Variants in HAUS1 observed in about 807,000 individuals in gnomAD.
The protein encoded by HAUS1 is HAUS augmin-like complex subunit 1.
In HAUS1, 25 loss-of-function variants were observed where a neutral mutation model predicts 38.6. That is an observed-to-expected ratio of 0.65 (90% CI 0.47 to 0.91). The LOEUF is 0.91. Ranked by LOEUF, HAUS1 falls within the 40% of genes least tolerant of loss-of-function variation. The probability of loss-of-function intolerance (pLI) is 0.00; values close to 1 mark genes in which losing one functional copy is unlikely to be tolerated. For synonymous variants in HAUS1, 109 were observed against 112.9 expected, an observed-to-expected ratio of 0.97 and a Z score of 0.22; for missense variants, 325 against 328.4, an observed-to-expected ratio of 0.99 and a Z score of 0.08.
chr18:46,122,086 C>G (rs1911957793), intron 4 of HAUS1, among the ~76,000 whole-genome samples: 1 of 152,164 alleles, frequency 6.6e-6, no homozygotes, highest in Admixed American at 6.6e-5. Context: ...AGGTGATCTG[C>G]CCACCTTGGC....
chr18:46,112,292 G>A (rs1911658945), intron 2 of HAUS1, among the ~76,000 whole-genome samples: 1 of 121,746 alleles, frequency 8.2e-6, no homozygotes. Flanking sequence ...TATATAATGT[G>A]TATATATATT....
intron 2 of HAUS1, among the ~76,000 whole-genome samples, chr18:46,110,235 A>C (rs1368188752): frequency 3.6e-5 from 5 of 139,938 alleles, no homozygotes; most frequent in African/African-American, 1.4e-4. Flanking sequence ...AGCTCACTGC[A>C]GCCTCGAACT....
At chr18:46,106,242 G>A (rs944637638) in intron 2 of HAUS1, among the ~76,000 whole-genome samples, 28 of 152,114 alleles carry the variant, frequency 1.8e-4, no homozygotes, top group Admixed American at 3.9e-4. Flanking sequence ...AGGCCGAGGC[G>A]GGCGGATCAC....
chr18:46,123,441 T>C (rs1487061502), intron 6 of HAUS1, 77 bp downstream of exon 6: 1 of 1,026,490 alleles, frequency 9.7e-7, no homozygotes, highest in East Asian at 2.4e-5. Flanking sequence ...TTTCTTTTTA[T>C]TCGGCTTTTA....
intron 1 of HAUS1, 33 bp from the exon 2 acceptor site, chr18:46,105,161 G>A: frequency 6.6e-7 from 1 of 1,506,262 alleles, no homozygotes; most frequent in Non-Finnish European, 9.2e-7. Flanking sequence ...AGTAAACAAG[G>A]CTTATAATAT....
chr18:46,125,840 T>C (rs769915194), intron 8 of HAUS1, 49 bp downstream of exon 8: 5 of 1,167,534 alleles, frequency 4.3e-6, no homozygotes, highest in Non-Finnish European at 6.3e-6. Context: ...AGAAAATAAA[T>C]GCTAATATAG....
At chr18:46,110,155 T>C (rs1291024089) in intron 2 of HAUS1, among the ~76,000 whole-genome samples, 6 of 141,204 alleles carry the variant, frequency 4.2e-5, no homozygotes, top group Non-Finnish European at 7.7e-5. Flanking sequence ...TTTTGTCCTT[T>C]TTTTTTTTTT....
intron 4 of HAUS1, chr18:46,121,492 T>C (rs1911942396): frequency 6.6e-6 from 1 of 152,004 alleles, no homozygotes; most frequent in African/African-American, 2.4e-5. Context: ...ATTATTATTA[T>C]TATTATTATT....
At chr18:46,110,079 T>C (rs1369864433) in intron 2 of HAUS1, among the ~76,000 whole-genome samples, 2 of 152,056 alleles carry the variant, frequency 1.3e-5, no homozygotes, top group African/African-American at 4.8e-5. Context: ...AAAACTTCCC[T>C]TAGTTCTTGT....
rs201865019 is a variant in HAUS1, at chr18:46,125,749, G to A, written c.744G>A (p.Pro248=). The change falls in exon 8 of 9, where the codon CCG becomes CCA. Residue 248 remains proline (P), a synonymous_variant. Transcript: ENST00000282058. ...TGTTTTATTTTTTTTTAAAGAATCC[G>A]TCTCTTGCTCAAGTGAAAATTGAAG... ...LESYLDLMPN[P]SLAQVKIEEA... is the part of the protein sequence containing the mutation. The A allele has an allele frequency of 5.2e-5, 83 of 1,595,336 alleles. No individual in the cohort carries two copies. Among genetic ancestry groups the A allele is most frequent in the Middle Eastern group, 1.7e-4 (1 of 5,794 alleles).
At chr18:46,119,818 G>A in intron 3 of HAUS1, 108 bp from the exon 4 acceptor site, 2 of 959,608 alleles carry the variant, frequency 2.1e-6, no homozygotes, top group Non-Finnish European at 1.5e-6. Context: ...GGTATGAACA[G>A]CATGGTTATA....
At chr18:46,127,633 G>GAAGCAA (rs1797036189) in intron 8 of HAUS1, among the ~76,000 whole-genome samples, 1 of 150,898 alleles carries the variant, frequency 6.6e-6, no homozygotes, top group Non-Finnish European at 1.5e-5. Flanking sequence ...TTGAACCCGG[G>GAAGCAA]AAGCAGAGAT....
intron 2 of HAUS1, 102 bp downstream of exon 2, chr18:46,105,470 C>T: frequency 1.0e-6 from 1 of 999,234 alleles, no homozygotes; most frequent in Non-Finnish European, 1.4e-6. Context: ...ACTTGTTTTG[C>T]TCCTTTATTT....
At chr18:46,127,512 T>C (rs571407853) in intron 8 of HAUS1, among the ~76,000 whole-genome samples, 1 of 151,988 alleles carries the variant, frequency 6.6e-6, no homozygotes, top group African/African-American at 2.4e-5. Context: ...AAGACTAACC[T>C]GGCCAAGATG....
intron 6 of HAUS1, 131 bp from the exon 7 acceptor site, chr18:46,124,691 C>A: frequency 1.9e-6 from 1 of 520,962 alleles, no homozygotes. Context: ...ATCTTTGAAG[C>A]TTTTTATTCG....
Position 46,106,346 on chromosome 18 carries a change from G to T in HAUS1, c.205+978G>T, listed in dbSNP as rs572342385. ...TAGCCGGGCGTGGTGGCGGGCGCCTGTAGTTCCAGCTGCTCGGAAGGCTGA... is the reference window on the plus strand; with the variant it reads ...TAGCCGGGCGTGGTGGCGGGCGCCTTTAGTTCCAGCTGCTCGGAAGGCTGA... On this transcript the variant is annotated intron_variant, in intron 2 of 8. Transcript: ENST00000282058. Among the ~76,000 whole-genome samples, 115 of 152,234 alleles carry T rather than the reference G, an allele frequency of 7.6e-4. 1 individual carries two copies. The highest frequency in any genetic ancestry group is 3.4e-3 in the Middle Eastern group (1 of 294).
chr18:46,105,488 A>G, intron 2 of HAUS1, 120 bp downstream of exon 2: 4 of 772,728 alleles, frequency 5.2e-6, no homozygotes, highest in Non-Finnish European at 8.2e-6. Flanking sequence ...TTTTTCCCAG[A>G]TTTTCTTCCA....
chr18:46,120,930 C>A (rs1911922103), intron 4 of HAUS1, among the ~76,000 whole-genome samples: 1 of 152,156 alleles, frequency 6.6e-6, no homozygotes, highest in South Asian at 2.1e-4. Flanking sequence ...TTAGAATTTT[C>A]AAAATGTATG....
chr18:46,114,775 C>T (rs1051823950), intron 2 of HAUS1, among the ~76,000 whole-genome samples: 3 of 152,172 alleles, frequency 2.0e-5, no homozygotes, highest in African/African-American at 7.2e-5. Context: ...GAGTCTCCAC[C>T]TCAGTGAGCT....
Sources: allele counts gnomAD v4.1 joint callset (sites outside exome capture counted in the v4.1 genomes callset), GRCh38; gene constraint gnomAD v4.1.1; transcripts MANE v1.5; gene names NCBI Gene and HGNC (gene_info 2026-07-23, HGNC 2026-07-21).